The following TGFBR3 variants were observed in gnomAD, a reference collection of about 807,000 sequenced individuals.
TGFBR3 encodes transforming growth factor beta receptor 3, also known as transforming growth factor beta receptor type 3.
A neutral mutation model predicts 87.9 loss-of-function variants in TGFBR3; 46 were observed. The observed-to-expected ratio is 0.52, with a 90% CI of 0.41 to 0.67. TGFBR3 has a LOEUF of 0.67. Among genes scored for constraint, TGFBR3 ranks in the 30% least tolerant of loss-of-function variants. The pLI, the probability that TGFBR3 is intolerant of heterozygous loss-of-function variation, is 0.00. For synonymous variants in TGFBR3, 381 were observed against 391.6 expected, an observed-to-expected ratio of 0.97 and a Z score of 0.32; for missense variants, 866 against 1,041.9, an observed-to-expected ratio of 0.83 and a Z score of 2.32.
chr1:91,880,077 T>A (rs1679012786), intron 1 of TGFBR3, among the ~76,000 whole-genome samples: 1 of 152,166 alleles, frequency 6.6e-6, no homozygotes, highest in South Asian at 2.1e-4. Context: ...ACACTTAATT[T>A]TCTTCCTACA....
intron 3 of TGFBR3, among the ~76,000 whole-genome samples, chr1:91,782,083 A>G (rs1674789184): frequency 6.6e-6 from 1 of 152,214 alleles, no homozygotes; most frequent in Non-Finnish European, 1.5e-5. Flanking sequence ...AATCAAAAAT[A>G]AACTGCAACA....
At chr1:91,753,133 C>G (rs977873784) in intron 4 of TGFBR3, among the ~76,000 whole-genome samples, 1 of 151,676 alleles carries the variant, frequency 6.6e-6, no homozygotes, top group African/African-American at 2.4e-5. Flanking sequence ...CGCCTATAAA[C>G]CCAGCACTTT....
At chr1:91,818,042 G>A (rs986595779) in intron 2 of TGFBR3, among the ~76,000 whole-genome samples, 1 of 151,868 alleles carries the variant, frequency 6.6e-6, no homozygotes, top group African/African-American at 2.4e-5. Flanking sequence ...CCTGAAAAAG[G>A]CTTGATGGTT....
intron 1 of TGFBR3, among the ~76,000 whole-genome samples, chr1:91,901,981 G>T (rs1322510757): frequency 6.6e-6 from 1 of 150,676 alleles, no homozygotes; most frequent in African/African-American, 2.4e-5. Flanking sequence ...GATACTCAAG[G>T]AATTTATAGA....
rs1299563687 is a variant in TGFBR3 at position 91,716,302 on chromosome 1, A to G, written c.1800T>C (p.Thr600=). The G allele has an allele frequency of 6.2e-7, 1 of 1,614,068 alleles. No homozygotes were observed. Residue 600 remains threonine, a synonymous_variant, in exon 12 of 17, where the codon ACT becomes ACC. Coordinates refer to ENST00000212355, the MANE Select transcript of TGFBR3 (RefSeq NM_003243.5). ...CCTGGGAGGGCACCAAAAAGAGGTC[A>G]GTGTTGTATAGCTCCATGTTGAAGG... ...NITFNMELYN[T]DLFLVPSQGV...
intron 2 of TGFBR3, among the ~76,000 whole-genome samples, chr1:91,800,113 C>G (rs1334512165): frequency 6.6e-6 from 1 of 151,384 alleles, no homozygotes; most frequent in Non-Finnish European, 1.5e-5. Context: ...CACTGGAGGC[C>G]AGGTGCAATG....
At chr1:91,884,713 G>A (rs377450177) in intron 1 of TGFBR3, among the ~76,000 whole-genome samples, 1 of 152,220 alleles carries the variant, frequency 6.6e-6, no homozygotes. Flanking sequence ...ATGCTGTGAG[G>A]ATTAAGTGCA....
At chr1:91,851,421 A>G (rs1253267009) in intron 2 of TGFBR3, among the ~76,000 whole-genome samples, 4 of 152,168 alleles carry the variant, frequency 2.6e-5, no homozygotes, top group African/African-American at 9.7e-5. Flanking sequence ...TGGGCCAATC[A>G]TGCGCCTCGG....
At chr1:91,833,708 A>C (rs1186919507) in intron 2 of TGFBR3, among the ~76,000 whole-genome samples, 1 of 151,728 alleles carries the variant, frequency 6.6e-6, no homozygotes. Context: ...TGAGCCCAGG[A>C]GGCGGAGGTT....
chr1:91,852,609 C>A (rs1301333009), intron 2 of TGFBR3, among the ~76,000 whole-genome samples: 1 of 152,106 alleles, frequency 6.6e-6, no homozygotes, highest in African/African-American at 2.4e-5. Context: ...TCTTGTTGCC[C>A]AGGCTGGAGT....
chr1:91,863,741 G>A (rs952571997), intron 1 of TGFBR3: 17 of 152,210 alleles, frequency 1.1e-4, no homozygotes, highest in Non-Finnish European at 2.2e-4. Context: ...CAGTCAAGTT[G>A]AGGCATAAGT....
In TGFBR3 at chr1:91,727,941, CA is replaced by C; in HGVS notation, c.738-136del. ...GCTGGAGTTGATCCCAGGCCAATGA[CA>C]TGTGCAAAACAGATTGTTACTGCAC... On this transcript the variant is annotated intron_variant, in intron 6 of 16. Coordinates refer to ENST00000212355, the MANE Select transcript of TGFBR3 (RefSeq NM_003243.5). The C allele has an allele frequency of 4.0e-6, 4 of 1,002,138 alleles. No individual in the cohort carries two copies. In the South Asian group the frequency reaches 5.4e-5, roughly 14 times the overall value. The allele number at this position is 1,002,138 out of a possible 1,614,324, so 62.1% of individuals were successfully genotyped here.
intron 2 of TGFBR3, among the ~76,000 whole-genome samples, chr1:91,804,510 T>C (rs1228407534): frequency 2.0e-5 from 3 of 152,106 alleles, no homozygotes; most frequent in African/African-American, 7.2e-5. Flanking sequence ...AGTGGTTCCT[T>C]CCGCAATCTG....
intron 7 of TGFBR3, among the ~76,000 whole-genome samples, chr1:91,723,341 C>T (rs973580426): frequency 7.9e-5 from 12 of 151,728 alleles, no homozygotes; most frequent in African/African-American, 2.4e-4. Context: ...ATTAGCCAGG[C>T]ATGGTGGCAT....
intron 14 of TGFBR3, among the ~76,000 whole-genome samples, chr1:91,699,826 G>A (rs1247661905): frequency 6.6e-6 from 1 of 152,204 alleles, no homozygotes; most frequent in African/African-American, 2.4e-5. Flanking sequence ...GTCCCTAGCT[G>A]GGGAAGCACT....
rs559933088 is a variant in TGFBR3 at position 91,854,019 on chromosome 1, A to C, written c.61+7452T>G. Among the ~76,000 whole-genome samples, 6 of 151,670 alleles carry C rather than the reference A, an allele frequency of 4.0e-5. No individual in the cohort carries two copies. The East Asian group carries it at 5.8e-4, about 15-fold the overall frequency. ...GTGAGACTCCATCCCACCCCCTCCC[A>C]GAAAAAAAGTCAAACTCATAGAAAC... is the stretch of plus-strand genomic sequence containing the variant. On this transcript the variant is annotated intron_variant, in intron 2 of 16. Coordinates refer to ENST00000212355, the MANE Select transcript of TGFBR3 (RefSeq NM_003243.5).
At chr1:91,737,403 G>T (rs1673003081) in intron 4 of TGFBR3, among the ~76,000 whole-genome samples, 1 of 152,168 alleles carries the variant, frequency 6.6e-6, no homozygotes, top group Non-Finnish European at 1.5e-5. Flanking sequence ...TGTGAGGCAG[G>T]CTACGGTGAC....
rs1230662988 is a variant in TGFBR3, at chr1:91,767,062, T to C, written c.247-8312A>G. On this transcript the variant is annotated intron_variant, in intron 3 of 16. Coordinates refer to ENST00000212355, the MANE Select transcript of TGFBR3 (RefSeq NM_003243.5). ...TGTACAATTAAACCTCTGTCTCTGC[T>C]GCAACCTGGTATCTCAGTGTATTGA... 8.9e-5 allele frequency among the ~76,000 whole-genome samples: 12 copies of C among 134,512 alleles called. 4 individuals carry two copies. Among genetic ancestry groups the C allele is most frequent in the Non-Finnish European group, 2.0e-4 (12 of 61,176 alleles). The allele number at this position is 134,512 out of a possible 152,430, so 88.2% of individuals were successfully genotyped here. A position where few individuals can be genotyped will look rare whatever the true frequency, so the allele number is the denominator to read the frequency against.
At chr1:91,718,040 T>C (rs1243757844) in intron 10 of TGFBR3, among the ~76,000 whole-genome samples, 1 of 152,116 alleles carries the variant, frequency 6.6e-6, no homozygotes, top group Non-Finnish European at 1.5e-5. Flanking sequence ...GCTGCAATTA[T>C]CAGGAGGTCA....
Sources: gnomAD v4.1 joint callset for allele counts (sites outside exome capture counted in the v4.1 genomes callset) on GRCh38, gnomAD v4.1.1 for gene constraint, MANE v1.5 for transcripts, NCBI Gene and HGNC (gene_info 2026-07-23, HGNC 2026-07-21) for gene names.